The following ATP2A2 variants were observed in gnomAD, a reference collection of about 807,000 sequenced individuals.
ATP2A2 encodes ATPase sarcoplasmic/endoplasmic reticulum Ca2+ transporting 2.
Under a neutral mutation model 109.3 loss-of-function variants are expected in ATP2A2, and 14 were observed. That is an observed-to-expected ratio of 0.13 (90% CI 0.08 to 0.20). ATP2A2 has a LOEUF of 0.20. Ranked by LOEUF, ATP2A2 falls within the 10% of genes least tolerant of loss-of-function variation. ATP2A2 has a pLI of 1.00. For synonymous variants in ATP2A2, 506 were observed against 490.9 expected (o/e 1.03, Z -0.41); for missense variants, 657 against 1,321.6 (o/e 0.50, Z 7.80).
At chr12:110,286,835 C>T (rs1872712248) in intron 3 of ATP2A2, among the ~76,000 whole-genome samples, 1 of 151,918 alleles carries the variant, frequency 6.6e-6, no homozygotes, top group African/African-American at 2.4e-5. Flanking sequence ...TTTTTTCTTT[C>T]GTTTTCTTTT....
chr12:110,334,834 C>T (rs1163691647), intron 11 of ATP2A2, among the ~76,000 whole-genome samples: 1 of 152,044 alleles, frequency 6.6e-6, no homozygotes, highest in Non-Finnish European at 1.5e-5. Flanking sequence ...GTGATCCGCC[C>T]ACCTCGGCCT....
At position 110,348,051 on chromosome 12, in the gene ATP2A2, A is replaced by C. The variant is rs1167677045; in HGVS notation, c.*1581A>C. 2.0e-6 allele frequency: 2 copies of C among 986,472 alleles called. No homozygotes were observed. Among genetic ancestry groups the C allele is most frequent in the South Asian group, 4.7e-5 (1 of 21,336 alleles). 61.1% of individuals were successfully genotyped at this position (986,472 alleles called of 1,614,324 possible). A position where few individuals can be genotyped will look rare whatever the true frequency, so the allele number is the denominator to read the frequency against. ...ACCAGGAGGGCCCAAGCCAGACAAA[A>C]GCCGGAGTGGGGAGAGAGGCATTTC... On this transcript the variant is annotated 3_prime_UTR_variant, in exon 20 of 20. Coordinates refer to ENST00000539276, the MANE Select transcript of ATP2A2 (RefSeq NM_170665.4).
intron 5 of ATP2A2, among the ~76,000 whole-genome samples, chr12:110,305,919 T>C (rs1389269428): frequency 1.3e-5 from 2 of 151,868 alleles, no homozygotes; most frequent in East Asian, 3.9e-4. Context: ...CTTTCAACAC[T>C]GGTTGTCAGT....
At position 110,348,976 on chromosome 12, in the gene ATP2A2, T is replaced by G. The variant is rs1411012946; in HGVS notation, c.*2506T>G. On this transcript the variant is annotated 3_prime_UTR_variant, in exon 20 of 20. Transcript: ENST00000539276. ...GACTCAGTTCCTTGACTTAGTGGCC[T>G]TTACAAAAAAAGTTGAGTAGTGTGT... 3.0e-6 allele frequency: 3 copies of G among 985,322 alleles called. No individual in the cohort carries two copies. Among genetic ancestry groups the G allele is most frequent in the Middle Eastern group, 1.0e-3 (2 of 1,936 alleles). The allele number at this position is 985,322 out of a possible 1,614,324, so 61.0% of individuals were successfully genotyped here.
intron 4 of ATP2A2, chr12:110,296,368 C>T (rs528767645): frequency 5.5e-4 from 294 of 535,538 alleles, no homozygotes; most frequent in Non-Finnish European, 9.1e-4. Flanking sequence ...ATTGCTTTTC[C>T]TCATTGTTTT....
intron 8 of ATP2A2, among the ~76,000 whole-genome samples, chr12:110,329,182 G>A (rs978551908): frequency 6.6e-6 from 1 of 152,072 alleles, no homozygotes; most frequent in Non-Finnish European, 1.5e-5. Context: ...AGTACCTAAC[G>A]TAATATTATA....
At position 110,350,074 on chromosome 12, in the gene ATP2A2, A is replaced by G; in HGVS notation, c.*3604A>G. 3 of 1,440,304 alleles carry G rather than the reference A, an allele frequency of 2.1e-6. No homozygotes were observed. Among genetic ancestry groups the G allele is most frequent in the Non-Finnish European group, 2.7e-6 (3 of 1,102,284 alleles). The allele number at this position is 1,440,304 out of a possible 1,614,324, so 89.2% of individuals were successfully genotyped here. Reference sequence around the variant, plus strand: ...CTTTATTCTGTAGCCAGACGACACGAGGAGTCTGTGTCACTGAGCCAGTGC... The same window carrying G: ...CTTTATTCTGTAGCCAGACGACACGGGGAGTCTGTGTCACTGAGCCAGTGC... On this transcript the variant is annotated 3_prime_UTR_variant, in exon 20 of 20. Transcript: ENST00000539276.
chr12:110,309,140 ATTTTTTTTTTTTTTTTTT>A lies in ATP2A2; in HGVS notation c.463+12421_463+12438del, dbSNP rs10665212. On this transcript the variant is annotated intron_variant, in intron 5 of 19. Transcript: ENST00000539276. Reference sequence around the variant, plus strand: ...ATGGAGAGAGAGTTTAAGGAAACTAATTTTTTTTTTTTTTTTTTTTTTTTTTTTTTTTTTTGAGATGGA... The same window carrying A: ...ATGGAGAGAGAGTTTAAGGAAACTAATTTTTTTTTTTTTTTTTGAGATGGA... 7.7e-3 allele frequency among the ~76,000 whole-genome samples: 378 copies of A among 48,960 alleles called. 1 individual carries two copies. Among genetic ancestry groups the A allele is most frequent in the Middle Eastern group, 0.029 (2 of 68 alleles). 32.1% of individuals were successfully genotyped at this position (48,960 alleles called of 152,430 possible). A position where few individuals can be genotyped will look rare whatever the true frequency, so the allele number is the denominator to read the frequency against.
rs1481782479 is a variant in ATP2A2 at position 110,346,464 on chromosome 12, G to C, written c.3123G>C (p.Trp1041Cys). 1 of 1,614,034 alleles carries C rather than the reference G, an allele frequency of 6.2e-7. No individual in the cohort carries two copies. The highest frequency in any genetic ancestry group is 8.5e-7 in the Non-Finnish European group (1 of 1,180,032). Residue 1041 changes from tryptophan to cysteine, a missense_variant, in exon 20 of 20, where the codon TGG becomes TGC. By Grantham distance (215) the Trp-to-Cys change is radical. This residue lies in a region of ATP2A2 where 53 missense variants were observed against 61.2 expected (regional missense o/e 0.87). Coordinates refer to ENST00000539276, the MANE Select transcript of ATP2A2 (RefSeq NM_170665.4). ...ACACTAACTTTAGCGATATGTTCTG[G>C]TCTTGACTGACAGTTTTCCATAAAG... is the stretch of plus-strand genomic sequence containing the variant. ...STDTNFSDMF[W>C]S
chr12:110,333,402 C>T (rs1878535658), intron 10 of ATP2A2, 119 bp downstream of exon 10: 3 of 961,614 alleles, frequency 3.1e-6, no homozygotes, highest in Non-Finnish European at 3.3e-6. Context: ...GATTTTGTTT[C>T]CCCCTTCCAT....
rs577063591 is a variant in ATP2A2, at chr12:110,339,067, C to T, written c.1420-214C>T. 6.6e-6 allele frequency among the ~76,000 whole-genome samples: 1 copy of T among 152,264 alleles called. No homozygotes were observed. The highest frequency in any genetic ancestry group is 2.1e-4 in the South Asian group (1 of 4,830). Reference sequence around the variant, plus strand: ...ATGTATGTATGCAAATTTTCTATCCCCCTTCCCTTTTTCTCTATAGCACTT... The same window carrying T: ...ATGTATGTATGCAAATTTTCTATCCTCCTTCCCTTTTTCTCTATAGCACTT... On this transcript the variant is annotated intron_variant, in intron 11 of 19. Coordinates refer to ENST00000539276, the MANE Select transcript of ATP2A2 (RefSeq NM_170665.4). The surrounding 1 kb of genome is among the most constrained non-coding windows in gnomAD (Gnocchi z 4.4).
chr12:110,341,432 TAAAA>T (rs1033504079), intron 14 of ATP2A2, among the ~76,000 whole-genome samples: 2 of 151,452 alleles, frequency 1.3e-5, no homozygotes, highest in South Asian at 2.1e-4. Context: ...TCTTCTCTTT[TAAAA>T]AAAAATCTTA....
At chr12:110,305,873 T>C (rs57675491) in intron 5 of ATP2A2, among the ~76,000 whole-genome samples, 1 of 147,064 alleles carries the variant, frequency 6.8e-6, no homozygotes, top group Non-Finnish European at 1.5e-5. Flanking sequence ...GGATGTCTGT[T>C]TTTTTTTTGT....
At chr12:110,304,519 C>G (rs1444891680) in intron 5 of ATP2A2, among the ~76,000 whole-genome samples, 6 of 152,134 alleles carry the variant, frequency 3.9e-5, no homozygotes, top group Admixed American at 3.9e-4. Context: ...ACGTCCGTTT[C>G]CCTAATTTCT....
intron 5 of ATP2A2, among the ~76,000 whole-genome samples, chr12:110,317,381 AT>A (rs869098753): frequency 1.3e-5 from 2 of 151,740 alleles, no homozygotes; most frequent in African/African-American, 4.8e-5. Flanking sequence ...AATAAAAAGG[AT>A]TTTTTAAAAA....
At position 110,348,593 on chromosome 12, in the gene ATP2A2, G is replaced by A. The variant is rs1481842729; in HGVS notation, c.*2123G>A. 6.1e-6 allele frequency: 6 copies of A among 985,528 alleles called. No individual in the cohort carries two copies. The highest frequency in any genetic ancestry group is 1.1e-4 in the East Asian group (1 of 8,802). The allele number at this position is 985,528 out of a possible 1,614,324, so 61.0% of individuals were successfully genotyped here. A position where few individuals can be genotyped will look rare whatever the true frequency, so the allele number is the denominator to read the frequency against. On this transcript the variant is annotated 3_prime_UTR_variant, in exon 20 of 20. Coordinates refer to ENST00000539276, the MANE Select transcript of ATP2A2 (RefSeq NM_170665.4). ...TTAAAAGCACAGTCCGTGGTTGGGT[G>A]TGGTGGCTCATGCCTGTAAGTAAGT...
chr12:110,300,114 TTTCCC>T (rs1566208571), intron 5 of ATP2A2, among the ~76,000 whole-genome samples: 1 of 87,894 alleles, frequency 1.1e-5, no homozygotes, highest in Non-Finnish European at 2.2e-5. Context: ...TTCCTCCCCC[TTTCCC>T]TCCCCTCCCC....
chr12:110,293,385 T>TTTTGTTTG (rs1223120062), intron 4 of ATP2A2, among the ~76,000 whole-genome samples: 8 of 114,384 alleles, frequency 7.0e-5, no homozygotes, highest in African/African-American at 3.1e-4. Context: ...TTTTTTTTTT[T>TTTTGTTTG]TTTGTTTGTT....
Position 110,327,761 on chromosome 12 carries a change from A to G in ATP2A2, c.839A>G (p.Asn280Ser), listed in dbSNP as rs746309999. The G allele has an allele frequency of 1.9e-5, 30 of 1,614,016 alleles. No individual in the cohort carries two copies. The highest frequency in any genetic ancestry group is 1.1e-4 in the African/African-American group (8 of 74,892). The stretch of plus-strand genomic sequence containing the variant: ...TGGATCATAAATATTGGGCACTTCA[A>G]TGACCCGGTTCATGGAGGGTCCTGG... ...AVWIINIGHF[N>S]DPVHGGSWIR... is the part of the protein sequence containing the mutation. The change falls in exon 8 of 20, where the codon AAT becomes AGT. Residue 280 changes from asparagine to serine, a missense_variant. By Grantham distance (46) the Asn-to-Ser change is conservative (BLOSUM62 1). Around this residue, in one of 9 missense-constraint regions of ATP2A2, gnomAD observed 136 missense variants for 343.9 expected, o/e 0.40. Coordinates refer to ENST00000539276, the MANE Select transcript of ATP2A2 (RefSeq NM_170665.4). The surrounding 1 kb of genome is among the most constrained non-coding windows in gnomAD (Gnocchi z 4.4).
Sources: gnomAD v4.1 joint callset for allele counts (sites outside exome capture counted in the v4.1 genomes callset) on GRCh38, gnomAD v4.1.1 for gene constraint, gnomAD v4.1.1 regional missense constraint, Gnocchi (gnomAD v3.1) non-coding constraint, MANE v1.5 for transcripts, NCBI Gene and HGNC (gene_info 2026-07-23, HGNC 2026-07-21) for gene names.